Variants in NRXN1 observed in about 807,000 individuals in gnomAD.
NRXN1 encodes neurexin 1, also known as neurexin-1.
A neutral mutation model predicts 150.9 loss-of-function variants in NRXN1; 39 were observed. That is an observed-to-expected ratio of 0.26 (90% confidence interval 0.20 to 0.34). The LOEUF (loss-of-function observed/expected upper bound fraction) is 0.34. Among genes scored for constraint, NRXN1 ranks in the 10% least tolerant of loss-of-function variants. The probability of loss-of-function intolerance (pLI) is 1.00; values close to 1 mark genes in which losing one functional copy is unlikely to be tolerated. For missense variants in NRXN1, 1,815 were observed against 1,949.9 expected (o/e 0.93, Z 1.30); for synonymous variants, 924 against 757.0 (o/e 1.22, Z -3.62).
chr2:50,177,467 T>G (rs1369441041), intron 18 of NRXN1, among the ~76,000 whole-genome samples: 1 of 151,888 alleles, frequency 6.6e-6, no homozygotes, highest in African/African-American at 2.4e-5. Context: ...ATTATTTGAA[T>G]AGCTAAATGT....
chr2:50,456,657 C>A lies in NRXN1; in HGVS notation c.3364+8785G>T, dbSNP rs180831791. 1.5e-4 allele frequency among the ~76,000 whole-genome samples: 23 copies of A among 152,070 alleles called. No homozygotes were observed. In the East Asian group the frequency reaches 4.3e-3, roughly 28 times the overall value. On this transcript the variant is annotated intron_variant, in intron 17 of 22. Transcript: ENST00000401669. ...AATGCAAGCACAATGTTATTTTTATCTTGACCTTTTTTCTGGACTCTACAT... is the reference window on the plus strand; with the variant it reads ...AATGCAAGCACAATGTTATTTTTATATTGACCTTTTTTCTGGACTCTACAT...
chr2:50,961,908 A>T (rs1693250545), intron 2 of NRXN1, among the ~76,000 whole-genome samples: 1 of 151,490 alleles, frequency 6.6e-6, no homozygotes, highest in African/African-American at 2.4e-5. Flanking sequence ...GAAAATCTAG[A>T]CGCTTTTCTA....
rs530751137 is a variant in NRXN1 at position 50,570,682 on chromosome 2, C to T, written c.1321-17657G>A. On this transcript the variant is annotated intron_variant, in intron 8 of 22. Coordinates refer to ENST00000401669, the MANE Select transcript of NRXN1 (RefSeq NM_001330078.2). ...GAATGTGTATAAATTATATTAAACCCATCCAGACTGGAGGAAAACAACCTA... is the reference window on the plus strand; with the variant it reads ...GAATGTGTATAAATTATATTAAACCTATCCAGACTGGAGGAAAACAACCTA... Among the ~76,000 whole-genome samples the T allele has an allele frequency of 1.1e-4, 17 of 152,140 alleles. No homozygotes were observed. In the South Asian group the frequency reaches 3.3e-3, roughly 30 times the overall value.
intron 2 of NRXN1, among the ~76,000 whole-genome samples, chr2:50,957,622 T>C (rs1692481804): frequency 6.6e-6 from 1 of 152,170 alleles, no homozygotes; most frequent in Non-Finnish European, 1.5e-5. Flanking sequence ...GGCTTTATCA[T>C]ATGTATGAAA....
intron 5 of NRXN1, among the ~76,000 whole-genome samples, chr2:50,695,323 GCC>G (rs1692669152): frequency 6.6e-6 from 1 of 152,120 alleles, no homozygotes; most frequent in African/African-American, 2.4e-5. Context: ...TAAAGATCTT[GCC>G]CAGCATCAAG....
chr2:50,506,326 C>T (rs1223916751), intron 13 of NRXN1, among the ~76,000 whole-genome samples, 169 bp downstream of exon 13: 1 of 151,914 alleles, frequency 6.6e-6, no homozygotes, highest in Non-Finnish European at 1.5e-5. Context: ...GGAAAAACAC[C>T]TAACAGACTG....
chr2:50,007,692 A>G (rs1371912545), intron 21 of NRXN1, among the ~76,000 whole-genome samples: 3 of 152,178 alleles, frequency 2.0e-5, no homozygotes, highest in Non-Finnish European at 2.9e-5. Context: ...CAATAAACAT[A>G]CATGTGCATG....
intron 5 of NRXN1, among the ~76,000 whole-genome samples, chr2:50,897,548 C>A (rs1379610600): frequency 6.6e-6 from 1 of 152,166 alleles, no homozygotes; most frequent in Admixed American, 6.5e-5. Context: ...AAAACATACA[C>A]ATAAAAACAT....
At chr2:50,131,897 C>G (rs530668291) in intron 18 of NRXN1, among the ~76,000 whole-genome samples, 1 of 105,932 alleles carries the variant, frequency 9.4e-6, no homozygotes, top group East Asian at 3.2e-4. Flanking sequence ...AACAAGTACA[C>G]TAGACGGTCC....
chr2:50,918,467 T>C (rs1685523218), intron 5 of NRXN1: 3 of 340,538 alleles, frequency 8.8e-6, no homozygotes, highest in African/African-American at 4.2e-5. Flanking sequence ...ATTACAATTA[T>C]GATGACTTAT....
chr2:50,918,065 C>T (rs1685468678), intron 5 of NRXN1: 1 of 151,540 alleles, frequency 6.6e-6, no homozygotes, highest in South Asian at 2.1e-4. Context: ...TTAGCTTTAA[C>T]AATTAGTTTT....
chr2:50,240,609 A>T (rs994553182), intron 17 of NRXN1, among the ~76,000 whole-genome samples: 1 of 151,658 alleles, frequency 6.6e-6, no homozygotes, highest in Non-Finnish European at 1.5e-5. Flanking sequence ...GTACTTACTG[A>T]AGCAGAATAG....
intron 17 of NRXN1, among the ~76,000 whole-genome samples, chr2:50,262,460 C>T (rs1328522517): frequency 6.6e-6 from 1 of 151,896 alleles, no homozygotes. Context: ...CTGAGGTCTT[C>T]TCTTTTTAAA....
chr2:49,952,418 C>T (rs768760101), intron 21 of NRXN1, among the ~76,000 whole-genome samples: 2 of 151,942 alleles, frequency 1.3e-5, no homozygotes, highest in Non-Finnish European at 2.9e-5. Flanking sequence ...AAGGGGAGCA[C>T]AATTAATGCT....
intron 5 of NRXN1, among the ~76,000 whole-genome samples, chr2:50,725,278 T>C (rs1697201267): frequency 1.3e-5 from 2 of 151,862 alleles, no homozygotes; most frequent in African/African-American, 2.4e-5. Flanking sequence ...TTGTGTTTCC[T>C]GATAGAAGAA....
chr2:50,110,709 T>G (rs887405078), intron 18 of NRXN1, among the ~76,000 whole-genome samples: 1 of 152,116 alleles, frequency 6.6e-6, no homozygotes, highest in African/African-American at 2.4e-5. Context: ...CTTTTTGTCT[T>G]TTTTCTCCAT....
At chr2:50,139,815 G>C (rs554911247) in intron 18 of NRXN1, among the ~76,000 whole-genome samples, 2 of 152,216 alleles carry the variant, frequency 1.3e-5, no homozygotes, top group African/African-American at 4.8e-5. Flanking sequence ...CGACAGAAAA[G>C]AGTCATCAAG....
At chr2:49,942,184 G>T (rs992857914) in intron 22 of NRXN1, among the ~76,000 whole-genome samples, 2 of 152,112 alleles carry the variant, frequency 1.3e-5, no homozygotes, top group Non-Finnish European at 2.9e-5. Flanking sequence ...CATTGTGAAT[G>T]ATAGATGTTT....
chr2:49,940,848 G>C (rs1421596), intron 22 of NRXN1, among the ~76,000 whole-genome samples: 126,564 of 152,160 alleles, frequency 0.83, 53,163 homozygotes, highest in African/African-American at 0.94. Flanking sequence ...GATAAGATCA[G>C]AGGACAGGTT....
Sources: allele counts gnomAD v4.1 joint callset (sites outside exome capture counted in the v4.1 genomes callset), GRCh38; gene constraint gnomAD v4.1.1; transcripts MANE v1.5; gene names NCBI Gene and HGNC (gene_info 2026-07-23, HGNC 2026-07-21).